Variants in LRRC71 observed in about 807,000 individuals in gnomAD.
LRRC71 encodes the protein leucine-rich repeat-containing protein 71.
A neutral mutation model predicts 66.6 loss-of-function variants in LRRC71; 54 were observed. The ratio of observed to expected loss-of-function variants is 0.81; its 90% confidence interval spans 0.65 to 1.02. The LOEUF is 1.02. Ranked by LOEUF, LRRC71 falls within the 50% of genes least tolerant of loss-of-function variation. The pLI, the probability that LRRC71 is intolerant of heterozygous loss-of-function variation, is 0.00. For synonymous variants in LRRC71, 323 were observed against 303.9 expected, an observed-to-expected ratio of 1.06 and a Z score of -0.65; for missense variants, 724 against 718.0, an observed-to-expected ratio of 1.01 and a Z score of -0.10.
chr1:156,926,290 G>A lies in LRRC71; in HGVS notation c.594-912G>A, dbSNP rs986325873. 3.3e-5 allele frequency among the ~76,000 whole-genome samples: 5 copies of A among 152,342 alleles called. No individual in the cohort carries two copies. In the East Asian group the frequency reaches 9.7e-4, roughly 29 times the overall value. On this transcript the variant is annotated intron_variant, in intron 5 of 14. Transcript: ENST00000337428. Reference sequence around the variant, plus strand: ...GGCTAGCTGAGTGCTCTGGCTCAGGGTTTGAGGTTGCGGTACAGCTGCTGA... The same window carrying A: ...GGCTAGCTGAGTGCTCTGGCTCAGGATTTGAGGTTGCGGTACAGCTGCTGA...
At chr1:156,934,731 G>A (rs1349673624), downstream of LRRC71, 1 of 151,758 alleles carries the variant, frequency 6.6e-6, no homozygotes, top group African/African-American at 2.4e-5. Context: ...CTGGGTCTGG[G>A]GGTGAGAGGG....
At position 156,925,006 on chromosome 1, in the gene LRRC71, C is replaced by T. The variant is rs979703223; in HGVS notation, c.584C>T (p.Ser195Phe). 2 of 1,551,622 alleles carry T rather than the reference C, an allele frequency of 1.3e-6. No homozygotes were observed. Among genetic ancestry groups the T allele is most frequent in the East Asian group, 2.4e-5 (1 of 40,942 alleles). Residue 195 changes from serine (S) to phenylalanine (F), a missense_variant, in exon 5 of 15, where the codon TCC becomes TTC. Physicochemically the swap from Ser to Phe is radical, Grantham distance 155. Coordinates refer to ENST00000337428, the MANE Select transcript of LRRC71 (RefSeq NM_144702.3). ...TFIELLPLCS[S>F]TLRKVSLEGN... ...ATCGAGCTCCTGCCTCTCTGTTCAT[C>T]CACGCTCAGGTCAGCAGACTGGGAG...
At chr1:156,921,724 C>T (rs1016968584) in intron 1 of LRRC71, 1 of 280,402 alleles carries the variant, frequency 3.6e-6, no homozygotes. Flanking sequence ...CACACACACA[C>T]ACACACACAC....
intron 5 of LRRC71, among the ~76,000 whole-genome samples, chr1:156,925,521 G>A (rs191217978): frequency 6.6e-6 from 1 of 152,348 alleles, no homozygotes; most frequent in East Asian, 1.9e-4. Flanking sequence ...GAGGCAGGAA[G>A]ACCTGGAAGA....
the LRRC71 span, chr1:156,939,841 T>C: frequency 9.9e-6 from 16 of 1,612,510 alleles, no homozygotes; most frequent in Admixed American, 1.0e-4. Flanking sequence ...CTCGGGCTCC[T>C]GGGCAGCCTG....
At chr1:156,929,766 T>C in intron 11 of LRRC71, 37 bp downstream of exon 11, 1 of 1,525,370 alleles carries the variant, frequency 6.6e-7, no homozygotes, top group African/African-American at 1.4e-5. Flanking sequence ...TCTTCCTGTG[T>C]GGAGGAGGGA....
chr1:156,927,985 C>T lies in LRRC71; in HGVS notation c.977C>T (p.Thr326Ile). Residue 326 changes from threonine (T) to isoleucine (I), a missense_variant, in exon 9 of 15, where the codon ACA becomes ATA. By Grantham distance (89) the Thr-to-Ile change is moderately conservative (BLOSUM62 -1). Coordinates refer to ENST00000337428, the MANE Select transcript of LRRC71 (RefSeq NM_144702.3). ...ERRRLLLEKG[T>I]QERSRSPSSS... ...CGACGCCTCCTGCTGGAAAAAGGGA[C>T]ACAGGAGCGCTCGCGATCGGTGAGG... is the stretch of plus-strand genomic sequence containing the variant. 1.2e-6 allele frequency: 2 copies of T among 1,607,618 alleles called. No individual in the cohort carries two copies. Among genetic ancestry groups the T allele is most frequent in the African/African-American group, 2.7e-5 (2 of 74,954 alleles).
downstream of LRRC71, chr1:156,936,046 G>C (rs370417432): frequency 1.1e-5 from 17 of 1,613,940 alleles, no homozygotes; most frequent in Non-Finnish European, 1.4e-5. Flanking sequence ...GTCTTCCAGG[G>C]GGGCGTCAGA....
chr1:156,923,047 G>T (rs1352998846), intron 1 of LRRC71, among the ~76,000 whole-genome samples: 1 of 152,196 alleles, frequency 6.6e-6, no homozygotes, highest in Non-Finnish European at 1.5e-5. Context: ...GACACAGGAG[G>T]AAAATGCCTC....
Position 156,920,920 on chromosome 1 carries a change from G to T in LRRC71, c.117G>T (p.Ala39=). The T allele has an allele frequency of 6.5e-7, 1 of 1,541,400 alleles. No homozygotes were observed. The highest frequency in any genetic ancestry group is 8.8e-7 in the Non-Finnish European group (1 of 1,142,484). Residue 39 remains alanine, a synonymous_variant, in exon 1 of 15, where the codon GCG becomes GCT. Coordinates refer to ENST00000337428, the MANE Select transcript of LRRC71 (RefSeq NM_144702.3). This position sits in a 1 kb window ranked among gnomAD's most constrained non-coding sequence, Gnocchi z 4.9. ...KGERAAKEKP[A]TVLPPVGEEE... is the part of the protein sequence containing the mutation. ...AGCGCGCGGCCAAAGAGAAGCCAGCGACCGTTCTGCCTCCCGTGGGGGAGG... is the reference window on the plus strand; with the variant it reads ...AGCGCGCGGCCAAAGAGAAGCCAGCTACCGTTCTGCCTCCCGTGGGGGAGG...
intron 12 of LRRC71, among the ~76,000 whole-genome samples, chr1:156,930,928 G>A (rs1654270456): frequency 6.6e-6 from 1 of 152,206 alleles, no homozygotes; most frequent in Non-Finnish European, 1.5e-5. Flanking sequence ...GAGGCACAGA[G>A]GCCCTCAGTT....
At chr1:156,929,584 C>T (rs1038010813) in intron 10 of LRRC71, 52 bp from the exon 11 acceptor site, 2 of 1,542,326 alleles carry the variant, frequency 1.3e-6, no homozygotes, top group Non-Finnish European at 1.8e-6. Flanking sequence ...CTCACCACTG[C>T]CCATCCCCTC....
chr1:156,938,494 C>T, the LRRC71 span: 1 of 1,613,468 alleles, frequency 6.2e-7, no homozygotes, highest in Non-Finnish European at 8.5e-7. Flanking sequence ...CAGGGACAAC[C>T]TTGCTGCCTG....
chr1:156,937,118 C>T (rs868187), downstream of LRRC71: 326,691 of 1,562,956 alleles, frequency 0.21, 38,819 homozygotes, highest in African/African-American at 0.5. Flanking sequence ...GGTGGCTGGG[C>T]GGGCTGGGGG....
In LRRC71 at chr1:156,924,989, C is replaced by T; in HGVS notation, c.567C>T (p.Leu189=). The T allele has an allele frequency of 6.4e-7, 1 of 1,551,670 alleles. No homozygotes were observed. The highest frequency in any genetic ancestry group is 8.7e-7 in the Non-Finnish European group (1 of 1,146,992). ...AGACCCTGACCACCTTCATCGAGCTCCTGCCTCTCTGTTCATCCACGCTCA... is the reference window on the plus strand; with the variant it reads ...AGACCCTGACCACCTTCATCGAGCTTCTGCCTCTCTGTTCATCCACGCTCA... ...TDKTLTTFIE[L]LPLCSSTLRK... is the part of the protein sequence containing the mutation. The change falls in exon 5 of 15, where the codon CTC becomes CTT. Residue 189 remains leucine (L), a synonymous_variant. Coordinates refer to ENST00000337428, the MANE Select transcript of LRRC71 (RefSeq NM_144702.3).
intron 11 of LRRC71, among the ~76,000 whole-genome samples, chr1:156,930,044 C>CTTTCTT (rs1553189668): frequency 1.6e-5 from 2 of 127,906 alleles, no homozygotes; most frequent in East Asian, 5.3e-4. Flanking sequence ...TTCTTTCTTT[C>CTTTCTT]TCTTTCTTTC....
At chr1:156,936,211 T>G (rs1655075953), downstream of LRRC71, 1 of 844,380 alleles carries the variant, frequency 1.2e-6, no homozygotes, top group East Asian at 2.4e-5. Context: ...TGAAAAGGGC[T>G]GTCTACTGAA....
rs779333171 is a variant in LRRC71, at chr1:156,928,026, GGACCAGCCGAGAGCCCCTCT to G, written c.996+27_996+46del. ...ATCGGTGAGGAGCTACCAGGCCCCA[GGACCAGCCGAGAGCCCCTCT>G]GACCCTCGAGCCCACTCCCCAAGTC... On this transcript the variant is annotated intron_variant, in intron 9 of 14. Transcript: ENST00000337428. 3 of 1,570,816 alleles carry G rather than the reference GGACCAGCCGAGAGCCCCTCT, an allele frequency of 1.9e-6. No individual in the cohort carries two copies. The East Asian group carries it at 7.1e-5, about 37-fold the overall frequency.
downstream of LRRC71, among the ~76,000 whole-genome samples, chr1:156,936,480 GA>G (rs35863393): frequency 9.4e-3 from 453 of 48,012 alleles, 4 homozygotes; most frequent in South Asian, 0.025. Context: ...CAAATAAATA[GA>G]AAAAAAAAAA....
Sources: gnomAD v4.1 joint callset for allele counts (sites outside exome capture counted in the v4.1 genomes callset) on GRCh38, gnomAD v4.1.1 for gene constraint, Gnocchi (gnomAD v3.1) non-coding constraint, MANE v1.5 for transcripts, NCBI Gene and HGNC (gene_info 2026-07-23, HGNC 2026-07-21) for gene names.